HS1BP3: variants seen among roughly 807,000 people sequenced by gnomAD.
HS1BP3 encodes the protein HCLS1 binding protein 3.
HS1BP3 carries 32 observed loss-of-function variants against 33.5 expected under a neutral mutation model. The ratio of observed to expected loss-of-function variants is 0.95; its 90% CI spans 0.72 to 1.28. HS1BP3 has a LOEUF of 1.28. Among genes scored for constraint, HS1BP3 ranks in the 50% most tolerant of loss-of-function variants. The pLI, the probability that HS1BP3 is intolerant of heterozygous loss-of-function variation, is 0.00. For missense variants in HS1BP3, 486 were observed against 502.3 expected (o/e 0.97, Z 0.31); for synonymous variants, 187 against 209.2 (o/e 0.89, Z 0.92).
intron 5 of HS1BP3, among the ~76,000 whole-genome samples, chr2:20,575,773 C>CTT (rs1693385717): frequency 1.4e-5 from 2 of 146,180 alleles, no homozygotes; most frequent in Admixed American, 1.3e-4. Context: ...CCCCCCCCCC[C>CTT]CTTCAGGCTA....
intron 2 of HS1BP3, chr2:20,606,800 T>G (rs1269509740): frequency 1.5e-5 from 3 of 197,656 alleles, no homozygotes; most frequent in African/African-American, 7.1e-5. Context: ...AATTTTTAAA[T>G]TGGGTTATTT....
chr2:20,569,409 G>T (rs1195802216), intron 5 of HS1BP3, among the ~76,000 whole-genome samples: 1 of 152,178 alleles, frequency 6.6e-6, no homozygotes, highest in African/African-American at 2.4e-5. Flanking sequence ...CTGCCTCTCA[G>T]AACAGGCTGA....
At chr2:20,582,132 C>T (rs1693549248) in intron 5 of HS1BP3, among the ~76,000 whole-genome samples, 1 of 152,214 alleles carries the variant, frequency 6.6e-6, no homozygotes, top group African/African-American at 2.4e-5. Context: ...TCACCGGTGC[C>T]CCCACACCAA....
intron 5 of HS1BP3, among the ~76,000 whole-genome samples, chr2:20,585,421 C>T (rs1024677965): frequency 6.6e-6 from 1 of 152,214 alleles, no homozygotes; most frequent in African/African-American, 2.4e-5. Flanking sequence ...TGCCTTAACT[C>T]TACAAGCATA....
chr2:20,642,822 C>G (rs756805726), intron 2 of HS1BP3, among the ~76,000 whole-genome samples: 2 of 152,222 alleles, frequency 1.3e-5, no homozygotes, highest in African/African-American at 4.8e-5. Flanking sequence ...TGAGAACTCA[C>G]ATTTATCTGG....
At chr2:20,564,831 C>G (rs1417045576) in intron 5 of HS1BP3, among the ~76,000 whole-genome samples, 1 of 152,188 alleles carries the variant, frequency 6.6e-6, no homozygotes, top group East Asian at 1.9e-4. Context: ...TTATGGGTCT[C>G]TCCTCACTGA....
At chr2:20,622,059 G>T in intron 6 of HS1BP3, 1 of 568,262 alleles carries the variant, frequency 1.8e-6, no homozygotes. Flanking sequence ...CTGCCCTGGT[G>T]TGGCTGCACA....
At chr2:20,584,377 T>C (rs1173730441) in intron 5 of HS1BP3, among the ~76,000 whole-genome samples, 2 of 152,192 alleles carry the variant, frequency 1.3e-5, no homozygotes, top group Non-Finnish European at 2.9e-5. Context: ...CCTGCCACAG[T>C]TCTGCTCCAG....
At chr2:20,596,976 G>A (rs1312651215) in intron 3 of HS1BP3, among the ~76,000 whole-genome samples, 1 of 152,196 alleles carries the variant, frequency 6.6e-6, no homozygotes, top group Non-Finnish European at 1.5e-5. Context: ...ATGTGTTTAG[G>A]ATCCAGCCAT....
chr2:20,599,232 GC>G (rs1694015531), intron 2 of HS1BP3, among the ~76,000 whole-genome samples: 1 of 152,224 alleles, frequency 6.6e-6, no homozygotes, highest in Admixed American at 6.5e-5. Flanking sequence ...AGCTGTCCTG[GC>G]CCCAGGGGGA....
chr2:20,603,696 C>A (rs1449014272), intron 2 of HS1BP3, among the ~76,000 whole-genome samples: 1 of 152,164 alleles, frequency 6.6e-6, no homozygotes, highest in African/African-American at 2.4e-5. Flanking sequence ...TGTAATACAA[C>A]TATTGAATTT....
chr2:20,630,977 T>C (rs1284166937), intron 4 of HS1BP3, among the ~76,000 whole-genome samples: 3 of 151,912 alleles, frequency 2.0e-5, no homozygotes. Context: ...CAGAGGGGGA[T>C]GTAGGAGAAC....
intron 2 of HS1BP3, among the ~76,000 whole-genome samples, chr2:20,603,114 A>G (rs1162246758): frequency 6.6e-6 from 1 of 152,254 alleles, no homozygotes; most frequent in Non-Finnish European, 1.5e-5. Context: ...GGGAACCTTC[A>G]TATCATGCTG....
At chr2:20,601,652 G>A (rs1189720174) in intron 2 of HS1BP3, among the ~76,000 whole-genome samples, 2 of 152,010 alleles carry the variant, frequency 1.3e-5, no homozygotes, top group Admixed American at 6.6e-5. Flanking sequence ...CCATGTAAGA[G>A]GTCCCTTTGC....
chr2:20,571,336 C>T (rs940078702), intron 5 of HS1BP3, among the ~76,000 whole-genome samples: 2 of 152,164 alleles, frequency 1.3e-5, no homozygotes, highest in African/African-American at 4.8e-5. Flanking sequence ...AGCAGAGGCC[C>T]CTCCCTCACA....
At chr2:20,560,218 G>A (rs1430656703), downstream of HS1BP3, among the ~76,000 whole-genome samples, 6 of 152,202 alleles carry the variant, frequency 3.9e-5, no homozygotes, top group African/African-American at 1.4e-4. Flanking sequence ...TTCCAGGGCT[G>A]GTAGAAGGTA....
At chr2:20,595,623 G>A (rs967968678) in intron 3 of HS1BP3, among the ~76,000 whole-genome samples, 18 of 152,196 alleles carry the variant, frequency 1.2e-4, no homozygotes, top group African/African-American at 3.1e-4. Context: ...TCTGTGCTGC[G>A]GCCCTTCCTC....
At chr2:20,554,706 C>CAAAA in the HS1BP3 span, among the ~76,000 whole-genome samples, 1 of 104,560 alleles carries the variant, frequency 9.6e-6, no homozygotes, top group Non-Finnish European at 2.1e-5. Flanking sequence ...CTCCACCTCA[C>CAAAA]AAAAAAAAAA....
Position 20,611,499 on chromosome 2 carries a change from A to G in HS1BP3, c.178+12397T>C, listed in dbSNP as rs1694318604. ...CCAGGAGAGGGAAACCGATGTGTTT[A>G]CTTCCTGTCTCCATGGTGCTGGGAG... On this transcript the variant is annotated intron_variant, in intron 2 of 3. Coordinates refer to the HS1BP3 transcript ENST00000415264. This position sits in a 1 kb window ranked among gnomAD's most constrained non-coding sequence, Gnocchi z 4.9. 6.6e-6 allele frequency among the ~76,000 whole-genome samples: 1 copy of G among 152,218 alleles called. No homozygotes were observed. Among genetic ancestry groups the G allele is most frequent in the Non-Finnish European group, 1.5e-5 (1 of 68,028 alleles).
Sources: gnomAD v4.1 joint callset for allele counts (sites outside exome capture counted in the v4.1 genomes callset) on GRCh38, gnomAD v4.1.1 for gene constraint, Gnocchi (gnomAD v3.1) non-coding constraint, MANE v1.5 for transcripts, NCBI Gene and HGNC (gene_info 2026-07-23, HGNC 2026-07-21) for gene names.